The following LHFPL1 variants were observed in gnomAD, a reference collection of about 807,000 sequenced individuals.
LHFPL1 encodes the protein LHFPL tetraspan subfamily member 1.
LHFPL1 carries 4 observed loss-of-function variants against 12.1 expected under a neutral mutation model. That is an observed-to-expected ratio of 0.33 (90% confidence interval 0.16 to 0.76). LHFPL1 has a LOEUF of 0.76. Ranked by LOEUF, LHFPL1 falls within the 30% of genes least tolerant of loss-of-function variation. The pLI, the probability that LHFPL1 is intolerant of heterozygous loss-of-function variation, is 0.61. For synonymous variants in LHFPL1, 52 were observed against 61.9 expected (o/e 0.84, Z 0.75); for missense variants, 141 against 174.1 (o/e 0.81, Z 1.07).
In LHFPL1 at chrX:112,671,339, C is replaced by T; in HGVS notation, c.52G>A (p.Val18Ile). The T allele has an allele frequency of 8.3e-7, 1 of 1,211,941 alleles. No homozygotes were observed. Among genetic ancestry groups the T allele is most frequent in the South Asian group, 1.8e-5 (1 of 57,011 alleles). The change falls in exon 2 of 4, where the codon GTT (valine) becomes ATT (isoleucine). Residue 18 changes from valine to isoleucine, a missense_variant. Coordinates refer to ENST00000371968, the MANE Select transcript of LHFPL1 (RefSeq NM_178175.4). ...CTGGTAGAACTGGTCACAGCAGTAA[C>T]AAGGGACAGGAAGGCCCAGAGGGTT... ...VGTLWAFLSL[V>I]TAVTSSTSYF...
intron 3 of LHFPL1, among the ~76,000 whole-genome samples, chrX:112,641,372 G>A (rs2147701272): frequency 8.9e-6 from 1 of 112,232 alleles, no homozygotes; most frequent in South Asian, 3.8e-4. Flanking sequence ...CAGATAAAGT[G>A]TCTGACCAAG....
chrX:112,659,227 G>C (rs976233968), intron 3 of LHFPL1, among the ~76,000 whole-genome samples: 7 of 111,459 alleles, frequency 6.3e-5, no homozygotes, highest in Non-Finnish European at 9.4e-5. Context: ...GGGAGGCAAA[G>C]GTAGGCGGAT....
chrX:112,639,766 AAATTGTGCTTCTAGGTCT>A (rs1290098375), intron 3 of LHFPL1, among the ~76,000 whole-genome samples: 3 of 112,049 alleles, frequency 2.7e-5, no homozygotes, highest in Non-Finnish European at 5.6e-5. Context: ...AGGCCAAGTT[AAATTGTGCTTCTAGGTCT>A]TTCTCCAGAT....
chrX:112,670,301 G>A (rs768590560), intron 2 of LHFPL1, among the ~76,000 whole-genome samples: 1 of 112,348 alleles, frequency 8.9e-6, no homozygotes, highest in African/African-American at 3.2e-5. Flanking sequence ...AGCTGTCACT[G>A]TCTTCCTGAA....
rs1338365456 is a variant in LHFPL1 at position 112,671,227 on chromosome X, C to T, written c.164G>A (p.Arg55Gln). 8.3e-6 allele frequency: 10 copies of T among 1,210,511 alleles called. No individual in the cohort carries two copies. The highest frequency in any genetic ancestry group is 3.0e-5 in the East Asian group (1 of 33,778). ...STFRRCNYPVRGEGHSLIMVE... is the reference protein window; with the variant it reads ...STFRRCNYPVQGEGHSLIMVE... Reference sequence around the variant, plus strand: ...CATGATCAGACTGTGTCCCTCTCCCCGCACAGGGTAGTTGCACCTCCGGAA... The same window carrying T: ...CATGATCAGACTGTGTCCCTCTCCCTGCACAGGGTAGTTGCACCTCCGGAA... The change falls in exon 2 of 4, where the codon CGG (arginine) becomes CAG (glutamine). Residue 55 changes from arginine (R) to glutamine (Q), a missense_variant. Arg to Gln is a conservative substitution (Grantham distance 43, BLOSUM62 1). Coordinates refer to ENST00000371968, the MANE Select transcript of LHFPL1 (RefSeq NM_178175.4).
chrX:112,677,636 G>C (rs1307334225), intron 1 of LHFPL1, among the ~76,000 whole-genome samples: 4 of 100,755 alleles, frequency 4.0e-5, no homozygotes, highest in African/African-American at 1.2e-4. Context: ...GACCATGCTA[G>C]ATCTTTCTGT....
intron 1 of LHFPL1, among the ~76,000 whole-genome samples, chrX:112,676,889 C>T (rs752137788): frequency 1.8e-5 from 2 of 112,051 alleles, no homozygotes; most frequent in Admixed American, 9.4e-5. Context: ...AACAGCTAGC[C>T]ACCATCTTCC....
chrX:112,649,768 A>G (rs1443278764), intron 3 of LHFPL1, among the ~76,000 whole-genome samples: 1 of 111,318 alleles, frequency 9.0e-6, no homozygotes, highest in African/African-American at 3.3e-5. Flanking sequence ...TTTGTTATTT[A>G]TATGTATTTT....
At chrX:112,644,107 C>T (rs1420472954) in intron 3 of LHFPL1, among the ~76,000 whole-genome samples, 2 of 112,364 alleles carry the variant, frequency 1.8e-5, no homozygotes, top group East Asian at 5.6e-4. Flanking sequence ...ACACCTAAGC[C>T]ATGGATTTTC....
In LHFPL1 at chrX:112,671,381, T is replaced by C; in HGVS notation, c.10A>G (p.Ser4Gly). Residue 4 changes from serine to glycine, a missense_variant, in exon 2 of 4, where the codon AGC (serine) becomes GGC (glycine). Coordinates refer to ENST00000371968, the MANE Select transcript of LHFPL1 (RefSeq NM_178175.4). ...CAGAGGGTTCCCACCATGGTCAGGCTGCTCCTCATGGTCACAGGTTTCTCT... is the reference window on the plus strand; with the variant it reads ...CAGAGGGTTCCCACCATGGTCAGGCCGCTCCTCATGGTCACAGGTTTCTCT... MRS[S>G]LTMVGTLWAF... 1.7e-6 allele frequency: 2 copies of C among 1,211,926 alleles called. No homozygotes were observed. Among genetic ancestry groups the C allele is most frequent in the Non-Finnish European group, 1.1e-6 (1 of 895,539 alleles).
intron 1 of LHFPL1, among the ~76,000 whole-genome samples, chrX:112,676,161 T>C (rs959974454): frequency 8.9e-6 from 1 of 112,518 alleles, no homozygotes; most frequent in Non-Finnish European, 1.9e-5. Context: ...ATCTCCTTCA[T>C]GACAACCCTC....
intron 2 of LHFPL1, among the ~76,000 whole-genome samples, chrX:112,667,981 T>A (rs1931384375): frequency 9.0e-6 from 1 of 111,103 alleles, no homozygotes; most frequent in African/African-American, 3.3e-5. Flanking sequence ...TAGTTCTTAA[T>A]GGATACTCCA....
intron 3 of LHFPL1, among the ~76,000 whole-genome samples, chrX:112,643,119 G>A (rs1453411814): frequency 1.9e-5 from 2 of 105,116 alleles, no homozygotes; most frequent in East Asian, 6.1e-4. Flanking sequence ...AGTGGCTCAC[G>A]CCTGTAATCC....
chrX:112,653,047 C>T (rs2147712331), intron 3 of LHFPL1, among the ~76,000 whole-genome samples: 1 of 111,851 alleles, frequency 8.9e-6, no homozygotes, highest in East Asian at 2.8e-4. Context: ...CCACCTCTGC[C>T]ACTCTACCAG....
At chrX:112,673,549 G>T (rs996209404) in intron 1 of LHFPL1, among the ~76,000 whole-genome samples, 9 of 111,417 alleles carry the variant, frequency 8.1e-5, no homozygotes. Context: ...AGGAGGAGAG[G>T]AAACAAGCTG....
rs1602660038 is a variant in LHFPL1 at position 112,631,261 on chromosome X, G to A, written c.*159C>T. On this transcript the variant is annotated 3_prime_UTR_variant, in exon 4 of 4. Transcript: ENST00000371968. Reference sequence around the variant, plus strand: ...TTTTATAAACAGCCAGTGACCTACTGGCTTAAAGATAAGTGAAAATGAACG... The same window carrying A: ...TTTTATAAACAGCCAGTGACCTACTAGCTTAAAGATAAGTGAAAATGAACG... The A allele has an allele frequency of 2.4e-6, 1 of 414,998 alleles. No homozygotes were observed. Among genetic ancestry groups the A allele is most frequent in the Admixed American group, 4.3e-5 (1 of 23,403 alleles). 34.2% of individuals were successfully genotyped at this position (414,998 alleles called of 1,213,427 possible). A position where few individuals can be genotyped will look rare whatever the true frequency, so the allele number is the denominator to read the frequency against.
At chrX:112,631,713 G>A (rs1930195661) in intron 3 of LHFPL1, 112 bp from the exon 4 acceptor site, 9 of 506,523 alleles carry the variant, frequency 1.8e-5, no homozygotes, top group Non-Finnish European at 2.8e-5. Context: ...ATTCTCTTTG[G>A]GATGCTATGG....
intron 2 of LHFPL1, among the ~76,000 whole-genome samples, chrX:112,669,959 A>T (rs1446756396): frequency 8.9e-6 from 1 of 111,896 alleles, no homozygotes; most frequent in Non-Finnish European, 1.9e-5. Flanking sequence ...GATCTGGGCT[A>T]TATCACCAGG....
At chrX:112,650,176 T>C (rs977569689) in intron 3 of LHFPL1, among the ~76,000 whole-genome samples, 2 of 107,200 alleles carry the variant, frequency 1.9e-5, no homozygotes, top group Admixed American at 9.9e-5. Flanking sequence ...CTTAGATTTC[T>C]TTATAATACA....
Sources: allele counts gnomAD v4.1 joint callset (sites outside exome capture counted in the v4.1 genomes callset), GRCh38; gene constraint gnomAD v4.1.1; transcripts MANE v1.5; gene names NCBI Gene and HGNC (gene_info 2026-07-23, HGNC 2026-07-21).